ACYP2: variants seen among roughly 807,000 people sequenced by gnomAD.
ACYP2 encodes the protein acylphosphatase-2.
Under a neutral mutation model 11.2 loss-of-function variants are expected in ACYP2, and 12 were observed. That is an observed-to-expected ratio of 1.08 (90% confidence interval 0.69 to 1.74). The LOEUF is 1.74. Ranked by LOEUF, ACYP2 falls within the 40% of genes most tolerant of loss-of-function variation. The pLI is 0.00. For missense variants in ACYP2, 134 were observed against 101.9 expected (o/e 1.31, Z -1.35); for synonymous variants, 43 against 32.2 (o/e 1.33, Z -1.13).
chr2:54,238,358 G>A (rs1686588811), intron 6 of ACYP2, among the ~76,000 whole-genome samples: 2 of 152,008 alleles, frequency 1.3e-5, no homozygotes, highest in African/African-American at 4.8e-5. Flanking sequence ...CTGGAATAGT[G>A]CCTGGATTAG....
At chr2:54,115,805 G>C in intron 4 of ACYP2, 49 bp downstream of exon 1, 1 of 1,524,486 alleles carries the variant, frequency 6.6e-7, no homozygotes, top group Non-Finnish European at 8.8e-7. Flanking sequence ...TGGGAGGAAG[G>C]GGAGAAAGCT....
intron 6 of ACYP2, among the ~76,000 whole-genome samples, chr2:54,280,385 G>A (rs558401432): frequency 1.1e-4 from 17 of 152,278 alleles, no homozygotes; most frequent in Non-Finnish European, 1.6e-4. Flanking sequence ...AGGGGGCATG[G>A]AGGTAGAGGC....
intron 2 of ACYP2, chr2:53,973,855 A>ATATATGTG (rs1351227730): frequency 8.1e-6 from 1 of 124,210 alleles, no homozygotes; most frequent in Admixed American, 1.2e-4. Context: ...GGATATATAT[A>ATATATGTG]TGTGTGTGTG....
At chr2:54,204,438 C>G (rs1684991961) in intron 6 of ACYP2, among the ~76,000 whole-genome samples, 1 of 151,798 alleles carries the variant, frequency 6.6e-6, no homozygotes, top group Admixed American at 6.6e-5. Context: ...TGGATTATAT[C>G]TTGCCTGGAC....
At chr2:54,261,809 A>C (rs1334337480) in intron 6 of ACYP2, among the ~76,000 whole-genome samples, 7 of 152,240 alleles carry the variant, frequency 4.6e-5, no homozygotes, top group Non-Finnish European at 1.5e-5. Context: ...GTTGGTAAAC[A>C]AGAGAGGGAG....
At chr2:54,267,261 G>T in intron 6 of ACYP2, 1 of 1,544,868 alleles carries the variant, frequency 6.5e-7, no homozygotes, top group Non-Finnish European at 8.7e-7. Context: ...TATTATGTCT[G>T]AAAGGAAATT....
intron 6 of ACYP2, among the ~76,000 whole-genome samples, chr2:54,285,165 G>T (rs989878547): frequency 6.6e-6 from 1 of 152,114 alleles, no homozygotes; most frequent in Admixed American, 6.5e-5. Context: ...AAGGGTACTG[G>T]TCCCTTTGGA....
At chr2:54,237,199 T>C (rs1262140598) in intron 6 of ACYP2, among the ~76,000 whole-genome samples, 2 of 152,218 alleles carry the variant, frequency 1.3e-5, no homozygotes, top group East Asian at 1.9e-4. Context: ...ATAGGAGGTC[T>C]TGGAATCAAT....
At chr2:54,081,267 G>A (rs1677630913) in intron 4 of ACYP2, among the ~76,000 whole-genome samples, 1 of 152,058 alleles carries the variant, frequency 6.6e-6, no homozygotes, top group South Asian at 2.1e-4. Context: ...CATCGAAAAA[G>A]ATAAAAAGCA....
At chr2:54,154,818 C>T (rs942982940) in intron 6 of ACYP2, among the ~76,000 whole-genome samples, 15 of 152,208 alleles carry the variant, frequency 9.9e-5, no homozygotes, top group South Asian at 2.1e-4. Context: ...ACATCCTCTT[C>T]GATTTTTTGG....
chr2:54,108,285 C>G (rs1679275544), intron 4 of ACYP2, among the ~76,000 whole-genome samples: 1 of 152,158 alleles, frequency 6.6e-6, no homozygotes, highest in African/African-American at 2.4e-5. Flanking sequence ...AACTTCCCAG[C>G]CCTACAGAAA....
chr2:54,233,283 A>G (rs1442106619), intron 6 of ACYP2, among the ~76,000 whole-genome samples: 3 of 151,098 alleles, frequency 2.0e-5, no homozygotes, highest in Non-Finnish European at 2.9e-5. Context: ...AATAATGAAC[A>G]TATGTATCAT....
At chr2:54,275,106 T>C (rs1351916366) in intron 6 of ACYP2, among the ~76,000 whole-genome samples, 2 of 152,216 alleles carry the variant, frequency 1.3e-5, no homozygotes, top group African/African-American at 4.8e-5. Context: ...ATAACTTTGG[T>C]TTTAATAAAT....
chr2:54,186,011 T>TA (rs1426908218), intron 6 of ACYP2, among the ~76,000 whole-genome samples: 1 of 151,794 alleles, frequency 6.6e-6, no homozygotes, highest in Non-Finnish European at 1.5e-5. Context: ...CATCCAAATA[T>TA]AAAAAAAGTT....
At chr2:54,179,720 T>G (rs1683624415) in intron 6 of ACYP2, among the ~76,000 whole-genome samples, 1 of 152,142 alleles carries the variant, frequency 6.6e-6, no homozygotes. Context: ...TTTGGTGGGT[T>G]TTGGCTGGCT....
At chr2:54,098,726 CTTTTTTT>C (rs34123335) in intron 4 of ACYP2, among the ~76,000 whole-genome samples, 1 of 140,756 alleles carries the variant, frequency 7.1e-6, no homozygotes, top group Non-Finnish European at 1.5e-5. Flanking sequence ...GACAATGTCC[CTTTTTTT>C]TTTTTTTTTT....
chr2:54,040,546 G>A (rs1201258972), intron 2 of ACYP2, among the ~76,000 whole-genome samples: 1 of 152,128 alleles, frequency 6.6e-6, no homozygotes, highest in African/African-American at 2.4e-5. Flanking sequence ...GATGCTCCAA[G>A]TTTTGGAGGT....
At chr2:54,096,314 T>G (rs1678575108) in intron 4 of ACYP2, among the ~76,000 whole-genome samples, 1 of 127,864 alleles carries the variant, frequency 7.8e-6, no homozygotes, top group East Asian at 2.6e-4. Context: ...CTAGATGGGA[T>G]GGCGGCCGGG....
intron 6 of ACYP2, among the ~76,000 whole-genome samples, chr2:54,166,096 C>T (rs1399207683): frequency 2.0e-5 from 3 of 152,150 alleles, no homozygotes; most frequent in Non-Finnish European, 4.4e-5. Flanking sequence ...ATTCTTAATG[C>T]TCTTATCTAG....
Sources: allele counts gnomAD v4.1 joint callset (sites outside exome capture counted in the v4.1 genomes callset), GRCh38; gene constraint gnomAD v4.1.1; transcripts MANE v1.5; gene names NCBI Gene and HGNC (gene_info 2026-07-23, HGNC 2026-07-21).